Variants in ZFHX3 observed in about 807,000 individuals in gnomAD.
ZFHX3 encodes the protein zinc finger homeobox protein 3.
ZFHX3 carries 42 observed loss-of-function variants against 279.1 expected under a neutral mutation model. The observed-to-expected ratio is 0.15, with a 90% CI of 0.12 to 0.19. The LOEUF is 0.19. Ranked by LOEUF, ZFHX3 falls within the 10% of genes least tolerant of loss-of-function variation. The probability of loss-of-function intolerance (pLI) is 1.00; values close to 1 mark genes in which losing one functional copy is unlikely to be tolerated. For missense variants in ZFHX3, 4,981 were observed against 4,754.0 expected (o/e 1.05, Z -1.40); for synonymous variants, 2,293 against 1,957.8 (o/e 1.17, Z -4.52).
At position 72,794,920 on chromosome 16, in the gene ZFHX3, G is replaced by T; in HGVS notation, c.7762C>A (p.Leu2588Met). ...DPSNPLLASQ[L>M]LSGAIPQIPA... is the part of the protein sequence containing the mutation. ...ATCTGAGGTATGGCCCCAGAGAGCA[G>T]CTGGCTGGCCAGGAGTGGGTTACTG... is the stretch of plus-strand genomic sequence containing the variant. Residue 2588 changes from leucine to methionine, a missense_variant, in exon 9 of 10, where the codon CTG (leucine) becomes ATG (methionine). By Grantham distance (15) the Leu-to-Met change is conservative (BLOSUM62 2). This residue lies in a region of ZFHX3 where 744 missense variants were observed against 701.3 expected (regional missense o/e 1.06). Transcript: ENST00000268489. The surrounding 1 kb of genome is among the most constrained non-coding windows in gnomAD (Gnocchi z 4.2). The T allele has an allele frequency of 6.2e-7, 1 of 1,614,150 alleles. No individual in the cohort carries two copies. The highest frequency in any genetic ancestry group is 2.2e-5 in the East Asian group (1 of 44,872).
intron 2 of ZFHX3, among the ~76,000 whole-genome samples, chr16:73,571,104 A>G (rs1406309536): frequency 6.6e-6 from 1 of 152,148 alleles, no homozygotes; most frequent in Non-Finnish European, 1.5e-5. Flanking sequence ...AAAAATGGGA[A>G]ATGGTAACAG....
At chr16:72,852,415 G>C (rs2037639643) in intron 4 of ZFHX3, among the ~76,000 whole-genome samples, 1 of 152,192 alleles carries the variant, frequency 6.6e-6, no homozygotes, top group Non-Finnish European at 1.5e-5. Flanking sequence ...CCTCCCTTGA[G>C]AAACAGCACA....
intron 5 of ZFHX3, among the ~76,000 whole-genome samples, chr16:73,213,364 C>A (rs2012086216): frequency 1.3e-5 from 2 of 152,196 alleles, no homozygotes; most frequent in South Asian, 4.1e-4. Context: ...CTTCTCTTTT[C>A]TCTCAACTGT....
chr16:73,133,156 G>A (rs1031806832), intron 6 of ZFHX3, among the ~76,000 whole-genome samples: 1 of 152,222 alleles, frequency 6.6e-6, no homozygotes, highest in Non-Finnish European at 1.5e-5. Context: ...GTAACTGAGT[G>A]TTACGGTGGA....
chr16:73,866,574 T>C (rs1220923525), intron 1 of ZFHX3, among the ~76,000 whole-genome samples: 1 of 152,176 alleles, frequency 6.6e-6, no homozygotes, highest in Non-Finnish European at 1.5e-5. Context: ...ATTTTTGTCT[T>C]TCTTCCTTCT....
intron 1 of ZFHX3, among the ~76,000 whole-genome samples, chr16:72,998,868 G>A (rs796951611): frequency 1.6e-4 from 24 of 152,276 alleles, no homozygotes; most frequent in African/African-American, 5.8e-4. Context: ...CAACTTATCT[G>A]GTCCATCAGA....
intron 2 of ZFHX3, chr16:73,504,614 T>G (rs1860079979): frequency 6.6e-6 from 1 of 152,266 alleles, no homozygotes; most frequent in Admixed American, 6.5e-5. Flanking sequence ...GCAATGCACT[T>G]AACCCACCTG....
intron 2 of ZFHX3, among the ~76,000 whole-genome samples, chr16:73,600,286 G>C (rs11149919): frequency 6.6e-6 from 1 of 151,952 alleles, no homozygotes; most frequent in Non-Finnish European, 1.5e-5. Flanking sequence ...AACTTCCCAA[G>C]AGATGGTACC....
At chr16:73,268,503 G>A (rs546003544) in intron 4 of ZFHX3, among the ~76,000 whole-genome samples, 1 of 152,322 alleles carries the variant, frequency 6.6e-6, no homozygotes, top group East Asian at 1.9e-4. Context: ...CGCAGGGCAT[G>A]GCTCTGAATG....
At chr16:73,124,797 G>A (rs1186033876) in intron 7 of ZFHX3, among the ~76,000 whole-genome samples, 1 of 152,192 alleles carries the variant, frequency 6.6e-6, no homozygotes, top group Non-Finnish European at 1.5e-5. Context: ...ACGAGAAGCT[G>A]GGGACAGAGC....
At chr16:73,798,766 G>T (rs977331967) in intron 1 of ZFHX3, among the ~76,000 whole-genome samples, 3 of 152,176 alleles carry the variant, frequency 2.0e-5, no homozygotes, top group Non-Finnish European at 4.4e-5. Context: ...ACCACAGGGT[G>T]CTTAAGCCCT....
At chr16:73,050,703 T>C (rs1965432668), upstream of ZFHX3, among the ~76,000 whole-genome samples, 1 of 144,726 alleles carries the variant, frequency 6.9e-6, no homozygotes, top group Non-Finnish European at 1.6e-5. Context: ...GTTAAACCCA[T>C]GGCCTACCCA....
intron 1 of ZFHX3, among the ~76,000 whole-genome samples, chr16:73,717,070 G>C (rs1173544510): frequency 1.3e-5 from 2 of 152,282 alleles, no homozygotes; most frequent in East Asian, 3.9e-4. Flanking sequence ...AAGGAAATTT[G>C]CAGTATCTCA....
intron 2 of ZFHX3, among the ~76,000 whole-genome samples, chr16:73,568,827 T>A (rs566011180): frequency 1.3e-5 from 2 of 152,216 alleles, no homozygotes; most frequent in East Asian, 3.9e-4. Flanking sequence ...GATTACATGG[T>A]AAATTATCGT....
At chr16:73,801,704 T>A (rs1271666067) in intron 1 of ZFHX3, among the ~76,000 whole-genome samples, 1 of 152,208 alleles carries the variant, frequency 6.6e-6, no homozygotes, top group Non-Finnish European at 1.5e-5. Flanking sequence ...CCAGAAGTGG[T>A]CAGCATCCCA....
chr16:73,722,399 C>A (rs151067553), intron 1 of ZFHX3, among the ~76,000 whole-genome samples: 1 of 152,322 alleles, frequency 6.6e-6, no homozygotes, highest in East Asian at 1.9e-4. Flanking sequence ...GCACTATTTT[C>A]CTAAAATTAA....
chr16:73,491,552 C>A (rs760020190), intron 2 of ZFHX3, among the ~76,000 whole-genome samples: 24 of 152,180 alleles, frequency 1.6e-4, no homozygotes, highest in Admixed American at 8.5e-4. Flanking sequence ...TACTTCATAA[C>A]AGAGTCAATA....
chr16:72,838,533 C>A (rs769968318), intron 4 of ZFHX3, among the ~76,000 whole-genome samples: 1 of 152,192 alleles, frequency 6.6e-6, no homozygotes, highest in East Asian at 1.9e-4. Context: ...AGAAAATTTC[C>A]CCTTTCAGCC....
chr16:73,775,966 T>G (rs1390500118), intron 1 of ZFHX3, among the ~76,000 whole-genome samples: 1 of 152,166 alleles, frequency 6.6e-6, no homozygotes, highest in African/African-American at 2.4e-5. Context: ...AGGCTATATT[T>G]CAAATAACCT....
Sources: gnomAD v4.1 joint callset for allele counts (sites outside exome capture counted in the v4.1 genomes callset) on GRCh38, gnomAD v4.1.1 for gene constraint, gnomAD v4.1.1 regional missense constraint, Gnocchi (gnomAD v3.1) non-coding constraint, MANE v1.5 for transcripts, NCBI Gene and HGNC (gene_info 2026-07-23, HGNC 2026-07-21) for gene names.